Variants in USP45 observed in about 807,000 individuals in gnomAD.
USP45 encodes the protein ubiquitin specific peptidase 45.
In USP45, 89 loss-of-function variants were observed where a neutral mutation model predicts 95.8. The ratio of observed to expected loss-of-function variants is 0.93; its 90% CI spans 0.78 to 1.11. The LOEUF (loss-of-function observed/expected upper bound fraction) is 1.11, where lower values mean the gene tolerates loss of function less well. Among genes scored for constraint, USP45 ranks in the 50% least tolerant of loss-of-function variants. The pLI is 0.00. For synonymous variants in USP45, 281 were observed against 316.2 expected, an observed-to-expected ratio of 0.89 and a Z score of 1.18; for missense variants, 898 against 942.5, an observed-to-expected ratio of 0.95 and a Z score of 0.62.
chr6:99,475,048 T>C (rs1337506474), intron 9 of USP45, among the ~76,000 whole-genome samples: 3 of 152,164 alleles, frequency 2.0e-5, no homozygotes, highest in African/African-American at 4.8e-5. Flanking sequence ...AACTGATCCA[T>C]GAGTGGAATT....
chr6:99,477,136 GATA>G (rs1211118197), intron 8 of USP45, among the ~76,000 whole-genome samples: 1 of 152,116 alleles, frequency 6.6e-6, no homozygotes, highest in Non-Finnish European at 1.5e-5. Context: ...AACTATTTAT[GATA>G]TTTACAACAT....
intron 9 of USP45, among the ~76,000 whole-genome samples, chr6:99,474,946 A>C (rs1227077085): frequency 6.6e-6 from 1 of 152,144 alleles, no homozygotes; most frequent in African/African-American, 2.4e-5. Flanking sequence ...TACAATCAAC[A>C]CTGGGGAATC....
rs1799101441 is a variant in USP45 at position 99,508,802 on chromosome 6, A to G, written c.101-20T>C. ...AACCTACTGAATAAGATAAAACAAA[A>G]TCTCAACATTTTCTTTGCTACACCA... On this transcript the variant is annotated intron_variant, in intron 2 of 17. Transcript: ENST00000500704. 6.3e-7 allele frequency: 1 copy of G among 1,588,876 alleles called. No homozygotes were observed.
rs1292683236 is a variant in USP45, at chr6:99,510,212, C to T, written c.9G>A (p.Val3=). The change falls in exon 2 of 18, where the codon GTG becomes GTA. Residue 3 remains valine, a synonymous_variant. Transcript: ENST00000500704. The part of the protein sequence containing the change: MR[V]KDPTKALPEK... The stretch of plus-strand genomic sequence containing the variant: ...CAGGTAAAGCTTTAGTTGGATCTTT[C>T]ACCCGCATCTGTTATTTACTGAAGG... 1.2e-6 allele frequency: 2 copies of T among 1,613,258 alleles called. No individual in the cohort carries two copies. The highest frequency in any genetic ancestry group is 1.7e-5 in the Admixed American group (1 of 59,988).
chr6:99,462,145 G>T, intron 13 of USP45: 12 of 981,316 alleles, frequency 1.2e-5, no homozygotes, highest in Non-Finnish European at 1.3e-5. Context: ...TCTATTACAT[G>T]AAAAAAACGT....
chr6:99,447,638 A>C (rs1010441354), intron 13 of USP45, among the ~76,000 whole-genome samples: 3 of 152,166 alleles, frequency 2.0e-5, no homozygotes, highest in African/African-American at 7.2e-5. Context: ...AGCCCAACAA[A>C]AGGCAGCAGA....
At chr6:99,499,028 A>G (rs920749148) in intron 5 of USP45, among the ~76,000 whole-genome samples, 4 of 152,110 alleles carry the variant, frequency 2.6e-5, no homozygotes, top group Non-Finnish European at 5.9e-5. Flanking sequence ...TGCCTGCCTC[A>G]GCCTCCCAAA....
chr6:99,467,039 T>C (rs1788149710), intron 10 of USP45, among the ~76,000 whole-genome samples: 1 of 151,946 alleles, frequency 6.6e-6, no homozygotes, highest in Admixed American at 6.6e-5. Context: ...CCTCAACCAC[T>C]CCCATTAAAA....
chr6:99,474,726 A>G (rs1790366892), intron 9 of USP45, among the ~76,000 whole-genome samples: 1 of 152,168 alleles, frequency 6.6e-6, no homozygotes, highest in Non-Finnish European at 1.5e-5. Context: ...ACCCAAACTC[A>G]CCTGGACTGT....
rs899125140 is a variant in USP45 at position 99,438,529 on chromosome 6, A to T, written c.2161-1130T>A. Among the ~76,000 whole-genome samples, 4 of 152,348 alleles carry T rather than the reference A, an allele frequency of 2.6e-5. No individual in the cohort carries two copies. The South Asian group carries it at 8.3e-4, about 32-fold the overall frequency. ...ATTAAACAAAATTAAATTTTAAAAG[A>T]AATTCCAAAAAGTGAAAATTAAAAA... is the stretch of plus-strand genomic sequence containing the variant. On this transcript the variant is annotated intron_variant, in intron 16 of 17. Coordinates refer to ENST00000500704, the MANE Select transcript of USP45 (RefSeq NM_001346022.3).
chr6:99,488,286 G>T lies in USP45; in HGVS notation c.628C>A (p.Gln210Lys). 6.2e-7 allele frequency: 1 copy of T among 1,600,590 alleles called. No individual in the cohort carries two copies. The highest frequency in any genetic ancestry group is 8.5e-7 in the Non-Finnish European group (1 of 1,175,446). Reference protein sequence around the residue: ...FFNAVMQNLAQTYTLTDLMNE... With the variant: ...FFNAVMQNLAKTYTLTDLMNE... ...ATCAGATCAGTAAGAGTATAAGTCT[G>T]TGCCAAGTTCTAAAAGAAAACAAAA... The change falls in exon 7 of 18, where the codon CAG (glutamine) becomes AAG (lysine). Residue 210 changes from glutamine to lysine, a missense_variant. Transcript: ENST00000500704.
chr6:99,504,919 C>A (rs902424637), intron 4 of USP45, among the ~76,000 whole-genome samples: 1 of 152,122 alleles, frequency 6.6e-6, no homozygotes, highest in Non-Finnish European at 1.5e-5. Context: ...ATTGAGAAAT[C>A]CTGGCCTAGA....
At chr6:99,460,844 G>A in intron 13 of USP45, 7 of 980,112 alleles carry the variant, frequency 7.1e-6, no homozygotes, top group Non-Finnish European at 8.5e-6. Flanking sequence ...AAAGAAAACA[G>A]AGGAAATAAG....
intron 8 of USP45, 117 bp from the exon 9 acceptor site, chr6:99,476,347 G>T: frequency 1.0e-6 from 1 of 980,520 alleles, no homozygotes; most frequent in Non-Finnish European, 1.5e-6. Flanking sequence ...GGCAGCCTAC[G>T]CCTGTAATCC....
chr6:99,437,809 C>T (rs1453421855), intron 16 of USP45, among the ~76,000 whole-genome samples: 1 of 152,190 alleles, frequency 6.6e-6, no homozygotes, highest in African/African-American at 2.4e-5. Flanking sequence ...AGGGGTCTGT[C>T]ACCACGCCCA....
chr6:99,482,522 T>C (rs1792666250), intron 8 of USP45: 2 of 403,230 alleles, frequency 5.0e-6, no homozygotes, highest in African/African-American at 2.1e-5. Context: ...TCAGACTAGG[T>C]GAGCCATTTA....
At chr6:99,490,817 T>A (rs1037233039) in intron 5 of USP45, among the ~76,000 whole-genome samples, 3 of 151,882 alleles carry the variant, frequency 2.0e-5, no homozygotes, top group Non-Finnish European at 4.4e-5. Context: ...AGTGGCCCTG[T>A]TCTAAGGAGC....
intron 13 of USP45, among the ~76,000 whole-genome samples, chr6:99,454,762 T>C (rs2128587589): frequency 6.6e-6 from 1 of 152,198 alleles, no homozygotes; most frequent in East Asian, 1.9e-4. Context: ...ACACGGTTGG[T>C]GGGAATGTAA....
intron 9 of USP45, among the ~76,000 whole-genome samples, chr6:99,472,769 T>C (rs1215857612): frequency 6.6e-6 from 1 of 152,222 alleles, no homozygotes; most frequent in East Asian, 1.9e-4. Flanking sequence ...TTAATACTTT[T>C]ACAAATAGTA....
Sources: gnomAD v4.1 joint callset for allele counts (sites outside exome capture counted in the v4.1 genomes callset) on GRCh38, gnomAD v4.1.1 for gene constraint, MANE v1.5 for transcripts, NCBI Gene and HGNC (gene_info 2026-07-23, HGNC 2026-07-21) for gene names.